SLC1A2: variants seen among roughly 807,000 people sequenced by gnomAD.
The protein encoded by SLC1A2 is excitatory amino acid transporter 2.
Under a neutral mutation model 48.8 loss-of-function variants are expected in SLC1A2, and 15 were observed. The ratio of observed to expected loss-of-function variants is 0.31; its 90% CI spans 0.21 to 0.47. The LOEUF (loss-of-function observed/expected upper bound fraction) is 0.47. Ranked by LOEUF, SLC1A2 falls within the 20% of genes least tolerant of loss-of-function variation. SLC1A2 has a pLI of 0.99. For synonymous variants in SLC1A2, 279 were observed against 272.6 expected, an observed-to-expected ratio of 1.02 and a Z score of -0.23; for missense variants, 502 against 730.5, an observed-to-expected ratio of 0.69 and a Z score of 3.61.
chr11:35,419,036 G>C lies in SLC1A2; in HGVS notation c.-70C>G. 1 of 1,437,498 alleles carries C rather than the reference G, an allele frequency of 7.0e-7. No individual in the cohort carries two copies. The highest frequency in any genetic ancestry group is 9.5e-7 in the Non-Finnish European group (1 of 1,052,100). 89.0% of individuals were successfully genotyped at this position (1,437,498 alleles called of 1,614,324 possible). A position where few individuals can be genotyped will look rare whatever the true frequency, so the allele number is the denominator to read the frequency against. ...TGGGCGAGGGAGAAAGCGGACGCCGGGGTGAGCGCGAAGTGCGGCCGGGAG... is the reference window on the plus strand; with the variant it reads ...TGGGCGAGGGAGAAAGCGGACGCCGCGGTGAGCGCGAAGTGCGGCCGGGAG... On this transcript the variant is annotated 5_prime_UTR_variant, in exon 1 of 11. Coordinates refer to ENST00000278379, the MANE Select transcript of SLC1A2 (RefSeq NM_004171.4). This position sits in a 1 kb window ranked among gnomAD's most constrained non-coding sequence, Gnocchi z 5.4.
rs1349743242 is a variant in SLC1A2, at chr11:35,257,105, G to A, written c.*3789C>T. On this transcript the variant is annotated 3_prime_UTR_variant, in exon 11 of 11. Coordinates refer to ENST00000278379, the MANE Select transcript of SLC1A2 (RefSeq NM_004171.4). ...TTCCTTTGGTGGACCCAGTAAATGA[G>A]TTTCCCAACCACTTTGCTCCAAAAG... The A allele has an allele frequency of 6.6e-6, 1 of 152,178 alleles. No individual in the cohort carries two copies. The highest frequency in any genetic ancestry group is 1.9e-4 in the East Asian group (1 of 5,192). 9.4% of individuals were successfully genotyped at this position (152,178 alleles called of 1,614,324 possible).
At chr11:35,337,882 C>T (rs966279574) in intron 1 of SLC1A2, among the ~76,000 whole-genome samples, 3 of 152,140 alleles carry the variant, frequency 2.0e-5, no homozygotes, top group Non-Finnish European at 4.4e-5. Context: ...TGACTTATGA[C>T]TCATAATTCA....
At chr11:35,406,296 A>T (rs565761283) in intron 1 of SLC1A2, among the ~76,000 whole-genome samples, 17 of 152,322 alleles carry the variant, frequency 1.1e-4, no homozygotes, top group African/African-American at 4.1e-4. Context: ...CATGATGATG[A>T]ACTAGTCTTC....
intron 9 of SLC1A2, among the ~76,000 whole-genome samples, chr11:35,273,325 G>A (rs916577916): frequency 6.6e-5 from 10 of 152,156 alleles, no homozygotes; most frequent in South Asian, 2.1e-4. Flanking sequence ...GGAGATCCAC[G>A]TAAGCATTGG....
chr11:35,364,016 G>T (rs1360719498), intron 1 of SLC1A2, among the ~76,000 whole-genome samples: 2 of 152,152 alleles, frequency 1.3e-5, no homozygotes, highest in Non-Finnish European at 2.9e-5. Flanking sequence ...CCAGGACCCT[G>T]CACTGTTTTC....
At chr11:35,339,366 C>A (rs563299069) in intron 1 of SLC1A2, among the ~76,000 whole-genome samples, 1 of 152,326 alleles carries the variant, frequency 6.6e-6, no homozygotes, top group African/African-American at 2.4e-5. Flanking sequence ...CTAACTGGAA[C>A]TATCCGTTCC....
chr11:35,354,307 T>A (rs75523678), intron 1 of SLC1A2, among the ~76,000 whole-genome samples: 6 of 151,930 alleles, frequency 3.9e-5, no homozygotes, highest in African/African-American at 1.2e-4. Context: ...AATTTTTTTT[T>A]AAATTAGCCA....
chr11:35,301,447 A>C (rs1306991800), intron 6 of SLC1A2, 72 bp downstream of exon 6: 1 of 1,449,350 alleles, frequency 6.9e-7, no homozygotes, highest in Non-Finnish European at 9.5e-7. Flanking sequence ...CTGCAGGGAG[A>C]GCTCCAGTAT....
intron 1 of SLC1A2, among the ~76,000 whole-genome samples, chr11:35,349,190 G>A (rs537436740): frequency 9.8e-5 from 15 of 152,316 alleles, no homozygotes; most frequent in East Asian, 3.9e-4. Flanking sequence ...GGGCAGGGGC[G>A]CGGGAAGCCT....
chr11:35,379,047 G>A (rs1467230793), intron 1 of SLC1A2, among the ~76,000 whole-genome samples: 1 of 152,170 alleles, frequency 6.6e-6, no homozygotes, highest in Non-Finnish European at 1.5e-5. Context: ...TGGCCAACAT[G>A]GAGAAACCCC....
Position 35,306,085 on chromosome 11 carries a change from A to G in SLC1A2, c.719T>C (p.Met240Thr). 1 of 1,613,874 alleles carries G rather than the reference A, an allele frequency of 6.2e-7. No homozygotes were observed. The highest frequency in any genetic ancestry group is 8.5e-7 in the Non-Finnish European group (1 of 1,179,846). Reference sequence around the variant, plus strand: ...ACCAGCTGGCCTACCTAAGACGTTCATCCCATCCTTGAACTCCAGGCCCTT... The same window carrying G: ...ACCAGCTGGCCTACCTAAGACGTTCGTCCCATCCTTGAACTCCAGGCCCTT... ...IKKGLEFKDGMNVLGLIGFFI... is the reference protein window; with the variant it reads ...IKKGLEFKDGTNVLGLIGFFI... Residue 240 changes from methionine to threonine, a missense_variant, in exon 5 of 11, where the codon ATG (methionine) becomes ACG (threonine). Met to Thr is a moderately conservative substitution (Grantham distance 81, BLOSUM62 -1). This residue lies in a region of SLC1A2 where 309 missense variants were observed against 480.3 expected (regional missense o/e 0.64). Coordinates refer to ENST00000278379, the MANE Select transcript of SLC1A2 (RefSeq NM_004171.4).
intron 1 of SLC1A2, among the ~76,000 whole-genome samples, chr11:35,334,692 G>C (rs114219210): frequency 0.026 from 3,910 of 152,254 alleles, 154 homozygotes; most frequent in African/African-American, 0.089. Context: ...GCAATGACTA[G>C]AGAGCAATGC....
In SLC1A2 at chr11:35,311,406, T is replaced by C. The variant is rs550858014; in HGVS notation, c.561+792A>G. Among the ~76,000 whole-genome samples the C allele has an allele frequency of 4.6e-5, 7 of 152,278 alleles. No homozygotes were observed. In the East Asian group the frequency reaches 1.4e-3, roughly 29 times the overall value. On this transcript the variant is annotated intron_variant, in intron 4 of 10. Transcript: ENST00000278379. ...AATTCCTAACCTCAAATGATCCCCC[T>C]GCCTCGGCCTCTCGAAGTGCTGGGA...
chr11:35,310,980 G>A (rs1208469434), intron 4 of SLC1A2, among the ~76,000 whole-genome samples: 1 of 151,928 alleles, frequency 6.6e-6, no homozygotes, highest in Non-Finnish European at 1.5e-5. Context: ...TCCTTGTCCT[G>A]ACAAGGACAT....
At chr11:35,307,594 T>C (rs1851552115) in intron 4 of SLC1A2, among the ~76,000 whole-genome samples, 1 of 152,220 alleles carries the variant, frequency 6.6e-6, no homozygotes, top group Admixed American at 6.5e-5. Context: ...AACAGATGGC[T>C]GAACCCCGAA....
chr11:35,300,357 G>A (rs1851310660), intron 6 of SLC1A2, among the ~76,000 whole-genome samples: 1 of 152,192 alleles, frequency 6.6e-6, no homozygotes, highest in South Asian at 2.1e-4. Context: ...GAATTCATAT[G>A]TCCCCCAAAT....
intron 1 of SLC1A2, among the ~76,000 whole-genome samples, chr11:35,398,450 A>G (rs552846046): frequency 2.6e-5 from 4 of 152,334 alleles, no homozygotes; most frequent in South Asian, 4.1e-4. Flanking sequence ...CATAAGAGAG[A>G]GCTAAACATT....
chr11:35,368,739 A>G (rs2135156720), intron 1 of SLC1A2, among the ~76,000 whole-genome samples: 1 of 152,356 alleles, frequency 6.6e-6, no homozygotes. Flanking sequence ...ACAATGGTGC[A>G]TACACATAAG....
intron 1 of SLC1A2, among the ~76,000 whole-genome samples, chr11:35,329,959 T>C (rs1852377394): frequency 6.6e-6 from 1 of 152,230 alleles, no homozygotes; most frequent in Non-Finnish European, 1.5e-5. Flanking sequence ...GCTACTATTA[T>C]TAGTCCTTCT....
Sources: allele counts gnomAD v4.1 joint callset (sites outside exome capture counted in the v4.1 genomes callset), GRCh38; gene constraint gnomAD v4.1.1; regional missense constraint gnomAD v4.1.1; non-coding constraint Gnocchi (gnomAD v3.1); transcripts MANE v1.5; gene names NCBI Gene and HGNC (gene_info 2026-07-23, HGNC 2026-07-21).